The following LPP variants were observed in gnomAD, a reference collection of about 807,000 sequenced individuals.
LPP encodes lipoma-preferred partner.
Under a neutral mutation model 60.4 loss-of-function variants are expected in LPP, and 38 were observed. That is an observed-to-expected ratio of 0.63 (90% CI 0.49 to 0.83). The LOEUF is 0.83. Ranked by LOEUF, LPP falls within the 40% of genes least tolerant of loss-of-function variation. The pLI, the probability that LPP is intolerant of heterozygous loss-of-function variation, is 0.00. For missense variants in LPP, 902 were observed against 783.6 expected, an observed-to-expected ratio of 1.15 and a Z score of -1.80; for synonymous variants, 328 against 290.8, an observed-to-expected ratio of 1.13 and a Z score of -1.30.
At chr3:188,772,555 C>T (rs775175193) in intron 9 of LPP, among the ~76,000 whole-genome samples, 13 of 151,926 alleles carry the variant, frequency 8.6e-5, no homozygotes, top group East Asian at 1.9e-4. Flanking sequence ...AGTGCAGTGG[C>T]GCCATCTTGG....
chr3:188,757,752 T>C lies in LPP; in HGVS notation c.1241-2361T>C, dbSNP rs148975192. The stretch of plus-strand genomic sequence containing the variant: ...ATCTAATATGCTTTTAATAATCATA[T>C]GGATTGGTAATCCATTTACTCCTAA... On this transcript the variant is annotated intron_variant, in intron 8 of 11. Transcript: ENST00000617246. 5.3e-3 allele frequency among the ~76,000 whole-genome samples: 812 copies of C among 152,300 alleles called. 6 individuals are homozygous for C. Among genetic ancestry groups the C allele is most frequent in the African/African-American group, 0.018 (734 of 41,560 alleles).
chr3:188,829,797 T>G (rs1040839517), intron 9 of LPP, among the ~76,000 whole-genome samples: 3 of 152,172 alleles, frequency 2.0e-5, no homozygotes, highest in Non-Finnish European at 4.4e-5. Flanking sequence ...CCCTGAATAG[T>G]GCCTTGAAGC....
intron 6 of LPP, among the ~76,000 whole-genome samples, chr3:188,571,094 G>GA (rs950580798): frequency 6.7e-4 from 101 of 151,090 alleles, no homozygotes; most frequent in African/African-American, 2.3e-3. Context: ...AACTGCTAAA[G>GA]AAAAAAAAAT....
At chr3:188,788,326 C>T (rs1742572593) in intron 9 of LPP, among the ~76,000 whole-genome samples, 1 of 152,174 alleles carries the variant, frequency 6.6e-6, no homozygotes, top group Non-Finnish European at 1.5e-5. Flanking sequence ...GAGATTGTCT[C>T]ATGCCTGTGG....
At chr3:188,312,560 C>T (rs1753791853) in intron 2 of LPP, among the ~76,000 whole-genome samples, 2 of 152,026 alleles carry the variant, frequency 1.3e-5, no homozygotes, top group African/African-American at 4.8e-5. Context: ...AAGAAATTTC[C>T]AATTTTTCTT....
chr3:188,431,960 G>C (rs1395022917), intron 4 of LPP, among the ~76,000 whole-genome samples: 1 of 152,062 alleles, frequency 6.6e-6, no homozygotes, highest in Non-Finnish European at 1.5e-5. Flanking sequence ...TTCATTCTAA[G>C]CTAATATCCT....
At chr3:188,715,556 T>C (rs1713606978) in intron 8 of LPP, among the ~76,000 whole-genome samples, 2 of 152,170 alleles carry the variant, frequency 1.3e-5, no homozygotes, top group Non-Finnish European at 2.9e-5. Flanking sequence ...TCTACAGGGC[T>C]AGTTGCCAGT....
At chr3:188,267,497 A>G (rs1472727605) in intron 2 of LPP, among the ~76,000 whole-genome samples, 1 of 152,218 alleles carries the variant, frequency 6.6e-6, no homozygotes, top group African/African-American at 2.4e-5. Context: ...GTGCAGTTAA[A>G]TGGTGGTGCT....
chr3:188,617,114 C>T (rs1008374477), intron 7 of LPP, among the ~76,000 whole-genome samples: 4 of 152,074 alleles, frequency 2.6e-5, no homozygotes, highest in East Asian at 1.9e-4. Context: ...AAAGAAACAG[C>T]GTGATACAAC....
At chr3:188,788,462 C>A (rs1426327208) in intron 9 of LPP, among the ~76,000 whole-genome samples, 1 of 152,226 alleles carries the variant, frequency 6.6e-6, no homozygotes, top group Non-Finnish European at 1.5e-5. Flanking sequence ...ATGTGTGATT[C>A]TTGTGCCTTA....
chr3:188,464,149 T>G (rs1799791065), intron 4 of LPP, among the ~76,000 whole-genome samples: 1 of 152,170 alleles, frequency 6.6e-6, no homozygotes, highest in African/African-American at 2.4e-5. Context: ...TTTAATAGGT[T>G]TTAAGTTATT....
chr3:188,592,563 T>TTTTTTTTTTTTTTTTTTTTTTTTTTTGG lies in LPP; in HGVS notation c.430-16598_430-16597insTTTTTTTTTTTTTTTTTTTTTTTTTTGG. Among the ~76,000 whole-genome samples the TTTTTTTTTTTTTTTTTTTTTTTTTTTGG allele has an allele frequency of 1.9e-3, 146 of 77,212 alleles. 24 individuals are homozygous for TTTTTTTTTTTTTTTTTTTTTTTTTTTGG. Among genetic ancestry groups the TTTTTTTTTTTTTTTTTTTTTTTTTTTGG allele is most frequent in the Non-Finnish European group, 3.2e-3 (116 of 36,178 alleles). The allele number at this position is 77,212 out of a possible 152,430, so 50.7% of individuals were successfully genotyped here. ...TGTTTTTAGTTTTGTTTTTGTTTTTTAAATGGAGTCTCACTCTTTCTCCCA... is the reference window on the plus strand; with the variant it reads ...TGTTTTTAGTTTTGTTTTTGTTTTTTTTTTTTTTTTTTTTTTTTTTTTTTTTGGAAATGGAGTCTCACTCTTTCTCCCA... On this transcript the variant is annotated intron_variant, in intron 6 of 11. Transcript: ENST00000617246.
Position 188,532,605 on chromosome 3 carries a change from G to A in LPP, c.429+7818G>A, listed in dbSNP as rs181561589. On this transcript the variant is annotated intron_variant, in intron 6 of 11. Coordinates refer to ENST00000617246, the MANE Select transcript of LPP (RefSeq NM_001375462.1). ...AAGTTTGCCAACGGGAAGAGCATTG[G>A]CTTCTTGATTCCCTGAGGTCCCCTC... Among the ~76,000 whole-genome samples, 3 of 152,336 alleles carry A rather than the reference G, an allele frequency of 2.0e-5. No homozygotes were observed. In the East Asian group the frequency reaches 5.8e-4, roughly 29 times the overall value.
In LPP at chr3:188,708,410, G is replaced by T. The variant is rs762504923; in HGVS notation, c.1240+17G>T. The T allele has an allele frequency of 9.9e-6, 16 of 1,614,050 alleles. No homozygotes were observed. In the South Asian group the frequency reaches 1.5e-4, roughly 16 times the overall value. On this transcript the variant is annotated intron_variant, in intron 8 of 11. Coordinates refer to ENST00000617246, the MANE Select transcript of LPP (RefSeq NM_001375462.1). Reference sequence around the variant, plus strand: ...AATACTTTGGTGAGTGGGGCCTAGAGCTGACTTCTGAAGTAACTATCTTGC... The same window carrying T: ...AATACTTTGGTGAGTGGGGCCTAGATCTGACTTCTGAAGTAACTATCTTGC...
In LPP at chr3:188,649,719, C is replaced by CAG. The variant is rs374016071; in HGVS notation, c.1113+39887_1113+39888dup. ...AGAAGAAATGCACTGGGGTCTGAGA[C>CAG]AGAGAGAGAGAGATGAAACAACTAT... is the stretch of plus-strand genomic sequence containing the variant. On this transcript the variant is annotated intron_variant, in intron 7 of 11. Transcript: ENST00000617246. Among the ~76,000 whole-genome samples, 366 of 151,832 alleles carry CAG rather than the reference C, an allele frequency of 2.4e-3. 2 individuals are homozygous for CAG. Among genetic ancestry groups the CAG allele is most frequent in the African/African-American group, 8.5e-3 (354 of 41,436 alleles).
chr3:188,318,074 A>G (rs1755643385), intron 2 of LPP, among the ~76,000 whole-genome samples: 1 of 152,164 alleles, frequency 6.6e-6, no homozygotes, highest in African/African-American at 2.4e-5. Flanking sequence ...AAGCCCTCCA[A>G]ATGTCCTCCA....
At chr3:188,598,976 A>T (rs1394690437) in intron 6 of LPP, among the ~76,000 whole-genome samples, 2 of 152,080 alleles carry the variant, frequency 1.3e-5, no homozygotes, top group African/African-American at 2.4e-5. Context: ...CCTTGAGGAG[A>T]TGCTTCAGCA....
At chr3:188,781,891 CA>C (rs1302969471) in intron 9 of LPP, among the ~76,000 whole-genome samples, 1,574 of 79,156 alleles carry the variant, frequency 0.02, 27 homozygotes, top group East Asian at 0.11. Flanking sequence ...GACTCCGTCT[CA>C]AAAAAAAAAA....
intron 7 of LPP, among the ~76,000 whole-genome samples, chr3:188,669,799 C>G (rs1856596809): frequency 6.6e-6 from 1 of 152,160 alleles, no homozygotes; most frequent in African/African-American, 2.4e-5. Flanking sequence ...AAGACACATG[C>G]AGACGTATGT....
Sources: allele counts gnomAD v4.1 joint callset (sites outside exome capture counted in the v4.1 genomes callset), GRCh38; gene constraint gnomAD v4.1.1; transcripts MANE v1.5; gene names NCBI Gene and HGNC (gene_info 2026-07-23, HGNC 2026-07-21).